FAM78A: variants seen among roughly 807,000 people sequenced by gnomAD.
The protein encoded by FAM78A is family with sequence similarity 78 member A.
In FAM78A, 12 loss-of-function variants were observed where a neutral mutation model predicts 22.6. The ratio of observed to expected loss-of-function variants is 0.53; its 90% CI spans 0.34 to 0.86. FAM78A has a LOEUF of 0.86. Among genes scored for constraint, FAM78A ranks in the 40% least tolerant of loss-of-function variants. FAM78A has a pLI of 0.02. For synonymous variants in FAM78A, 151 were observed against 155.8 expected (o/e 0.97, Z 0.23); for missense variants, 322 against 396.1 (o/e 0.81, Z 1.59).
rs142876194 is a variant in FAM78A, at chr9:131,274,024, G to A, written c.323+1833C>T. ...GGACTGCGACAGGGAGGGCAGGGTT[G>A]TCTCAGGTCCCAGTCTCAGGCCTAG... On this transcript the variant is annotated intron_variant, in intron 1 of 1. Transcript: ENST00000372271. The surrounding 1 kb of genome is among the most constrained non-coding windows in gnomAD (Gnocchi z 4.2). Among the ~76,000 whole-genome samples the A allele has an allele frequency of 4.5e-3, 680 of 152,356 alleles. 8 individuals carry two copies. The highest frequency in any genetic ancestry group is 0.015 in the African/African-American group (633 of 41,580).
upstream of FAM78A, among the ~76,000 whole-genome samples, chr9:131,280,835 C>T (rs1835537754): frequency 1.3e-5 from 2 of 152,206 alleles, no homozygotes; most frequent in Non-Finnish European, 2.9e-5. Flanking sequence ...ATCTTCATGG[C>T]TTTCCACAAT....
chr9:131,278,822 C>G (rs776338803), upstream of FAM78A, among the ~76,000 whole-genome samples: 2 of 152,244 alleles, frequency 1.3e-5, no homozygotes, highest in Non-Finnish European at 2.9e-5. Flanking sequence ...TCGTCCCCAC[C>G]CCATCCCCAT....
At chr9:131,268,707 C>T (rs1028537939) in intron 1 of FAM78A, among the ~76,000 whole-genome samples, 3 of 151,654 alleles carry the variant, frequency 2.0e-5, no homozygotes, top group South Asian at 2.1e-4. Flanking sequence ...GAGACAGAGA[C>T]GGGTGAAACC....
At chr9:131,280,598 T>C (rs1681094796), upstream of FAM78A, among the ~76,000 whole-genome samples, 1 of 152,096 alleles carries the variant, frequency 6.6e-6, no homozygotes, top group East Asian at 1.9e-4. Flanking sequence ...TGGTGAACAC[T>C]GGGATGGCCA....
rs183635789 is a variant in FAM78A at position 131,258,652 on chromosome 9, C to G, written c.*2170G>C. ...AGGAATAAACCAGCGGCCTGAGACC[C>G]GCTTCCTGAACCCCCAGGGTCCTGT... On this transcript the variant is annotated 3_prime_UTR_variant, in exon 2 of 2. Transcript: ENST00000372271. The G allele has an allele frequency of 6.6e-6, 1 of 152,398 alleles. No individual in the cohort carries two copies. The highest frequency in any genetic ancestry group is 6.5e-5 in the Admixed American group (1 of 15,302). The allele number at this position is 152,398 out of a possible 1,614,324, so 9.4% of individuals were successfully genotyped here.
At chr9:131,277,317 TC>T (rs935948097), upstream of FAM78A, among the ~76,000 whole-genome samples, 9 of 151,686 alleles carry the variant, frequency 5.9e-5, no homozygotes, top group Non-Finnish European at 1.3e-4. This position sits in a 1 kb window ranked among gnomAD's most constrained non-coding sequence, Gnocchi z 8.4. Flanking sequence ...TCCCTCCGGC[TC>T]CCTGGGCGCA....
upstream of FAM78A, among the ~76,000 whole-genome samples, chr9:131,279,109 G>A (rs1588202490): frequency 6.6e-6 from 1 of 152,240 alleles, no homozygotes; most frequent in East Asian, 1.9e-4. Context: ...AGCTAATGAG[G>A]AGGTGGTCCC....
At chr9:131,278,891 C>T (rs1260596742), upstream of FAM78A, among the ~76,000 whole-genome samples, 1 of 152,266 alleles carries the variant, frequency 6.6e-6, no homozygotes, top group African/African-American at 2.4e-5. Context: ...CAGCCAGTCC[C>T]AGAGCCGGAG....
chr9:131,274,821 A>C lies in FAM78A; in HGVS notation c.323+1036T>G, dbSNP rs1835462733. Among the ~76,000 whole-genome samples, 1 of 151,450 alleles carries C rather than the reference A, an allele frequency of 6.6e-6. No homozygotes were observed. Among genetic ancestry groups the C allele is most frequent in the East Asian group, 1.9e-4 (1 of 5,162 alleles). ...GGTAGACACTGAGAGAGGCTCTGGG[A>C]GTGTCAGCGGCCAGTCACGGGGCCA... On this transcript the variant is annotated intron_variant, in intron 1 of 1. Transcript: ENST00000372271. The surrounding 1 kb of genome is among the most constrained non-coding windows in gnomAD (Gnocchi z 4.2).
chr9:131,276,252 C>T lies in FAM78A; in HGVS notation c.-73G>A. ...AATCTCAACTCTCAAGACCGATATC[C>T]ATAGGATAGAAAACTCACTGAGTAG... On this transcript the variant is annotated 5_prime_UTR_variant, in exon 1 of 2. It removes an upstream start codon present in the reference 5' UTR. Coordinates refer to ENST00000372271, the MANE Select transcript of FAM78A (RefSeq NM_033387.4). The surrounding 1 kb of genome is among the most constrained non-coding windows in gnomAD (Gnocchi z 4.3). The T allele has an allele frequency of 7.6e-7, 1 of 1,312,694 alleles. No individual in the cohort carries two copies. The highest frequency in any genetic ancestry group is 1.4e-5 in the South Asian group (1 of 71,566). The allele number at this position is 1,312,694 out of a possible 1,614,324, so 81.3% of individuals were successfully genotyped here.
Position 131,259,239 on chromosome 9 carries a change from G to GC in FAM78A, c.*1582dup, listed in dbSNP as rs1835227954. The stretch of plus-strand genomic sequence containing the variant: ...AGCGGGATGTCCCCTAATAGCCCCT[G>GC]CAAGTGGCCACAAGGCCGACACTGC... On this transcript the variant is annotated 3_prime_UTR_variant, in exon 2 of 2. Transcript: ENST00000372271. 1 of 152,702 alleles carries GC rather than the reference G, an allele frequency of 6.5e-6. No individual in the cohort carries two copies. Among genetic ancestry groups the GC allele is most frequent in the Non-Finnish European group, 1.5e-5 (1 of 68,132 alleles). The allele number at this position is 152,702 out of a possible 1,614,324, so 9.5% of individuals were successfully genotyped here.
chr9:131,280,226 G>T (rs1363352281), upstream of FAM78A, among the ~76,000 whole-genome samples: 1 of 152,114 alleles, frequency 6.6e-6, no homozygotes, highest in African/African-American at 2.4e-5. Context: ...TCCCTGCCCT[G>T]GCTTCTGAAG....
chr9:131,270,525 G>A (rs1835404684), intron 1 of FAM78A: 1 of 715,218 alleles, frequency 1.4e-6, no homozygotes, highest in African/African-American at 1.7e-5. Context: ...CCCTTGGCCA[G>A]GGCTGGTCCT....
chr9:131,269,237 T>G (rs924022480), intron 1 of FAM78A, among the ~76,000 whole-genome samples: 2 of 152,196 alleles, frequency 1.3e-5, no homozygotes, highest in African/African-American at 4.8e-5. Flanking sequence ...ACACAGGATA[T>G]GTTCCCAACT....
Position 131,276,282 on chromosome 9 carries a change from G to T in FAM78A, c.-103C>A. On this transcript the variant is annotated 5_prime_UTR_variant, in exon 1 of 2. Coordinates refer to ENST00000372271, the MANE Select transcript of FAM78A (RefSeq NM_033387.4). The surrounding 1 kb of genome is among the most constrained non-coding windows in gnomAD (Gnocchi z 4.3). ...GATAGAAAACTCACTGAGTAGACTG[G>T]GGTTGCATATATCACTACCGCGGCC... The T allele has an allele frequency of 1.1e-6, 1 of 927,456 alleles. No individual in the cohort carries two copies. Among genetic ancestry groups the T allele is most frequent in the Non-Finnish European group, 1.6e-6 (1 of 621,604 alleles). The allele number at this position is 927,456 out of a possible 1,614,324, so 57.5% of individuals were successfully genotyped here. A position where few individuals can be genotyped will look rare whatever the true frequency, so the allele number is the denominator to read the frequency against.
intron 1 of FAM78A, among the ~76,000 whole-genome samples, chr9:131,269,811 C>T (rs151270693): frequency 3.3e-5 from 5 of 152,160 alleles, no homozygotes; most frequent in Admixed American, 6.6e-5. Context: ...CTCCCCTTCG[C>T]GTGATCATTA....
chr9:131,272,236 C>T lies in FAM78A; in HGVS notation c.323+3621G>A, dbSNP rs1835430060. On this transcript the variant is annotated intron_variant, in intron 1 of 1. Coordinates refer to ENST00000372271, the MANE Select transcript of FAM78A (RefSeq NM_033387.4). This position sits in a 1 kb window ranked among gnomAD's most constrained non-coding sequence, Gnocchi z 4.1. The stretch of plus-strand genomic sequence containing the variant: ...AGCTCTCGCTACCTAGCTGTCCCTT[C>T]CCCGGGCCACTAAAGCACAGGGCCT... 6.6e-6 allele frequency among the ~76,000 whole-genome samples: 1 copy of T among 152,216 alleles called. No homozygotes were observed. The highest frequency in any genetic ancestry group is 1.5e-5 in the Non-Finnish European group (1 of 68,032).
rs181381003 is a variant in FAM78A, at chr9:131,272,328, A to T, written c.323+3529T>A. The stretch of plus-strand genomic sequence containing the variant: ...GTGGTTCTCCACTAGGTGTGATTTC[A>T]TAGCCCCTCCTGGGGACATCAGGCC... On this transcript the variant is annotated intron_variant, in intron 1 of 1. Transcript: ENST00000372271. This position sits in a 1 kb window ranked among gnomAD's most constrained non-coding sequence, Gnocchi z 4.1. 1.4e-4 allele frequency among the ~76,000 whole-genome samples: 22 copies of T among 152,306 alleles called. No homozygotes were observed. Among genetic ancestry groups the T allele is most frequent in the African/African-American group, 5.3e-4 (22 of 41,572 alleles).
chr9:131,273,475 G>C (rs112600595), intron 1 of FAM78A, among the ~76,000 whole-genome samples: 78 of 152,376 alleles, frequency 5.1e-4, no homozygotes, highest in African/African-American at 1.6e-3. Flanking sequence ...TCCCGAGAGC[G>C]AGAGGGAGCA....
Sources: allele counts gnomAD v4.1 joint callset (sites outside exome capture counted in the v4.1 genomes callset), GRCh38; gene constraint gnomAD v4.1.1; non-coding constraint Gnocchi (gnomAD v3.1); transcripts MANE v1.5; gene names NCBI Gene and HGNC (gene_info 2026-07-23, HGNC 2026-07-21).